CLEC18A: variants seen among roughly 807,000 people sequenced by gnomAD.
CLEC18A encodes C-type lectin domain family 18 member A.
Under a neutral mutation model 24.0 loss-of-function variants are expected in CLEC18A, and 5 were observed. The ratio of observed to expected loss-of-function variants is 0.21; its 90% CI spans 0.11 to 0.44. CLEC18A has a LOEUF of 0.44. Ranked by LOEUF, CLEC18A falls within the 20% of genes least tolerant of loss-of-function variation. CLEC18A has a pLI of 0.99. For missense variants in CLEC18A, 83 were observed against 233.4 expected (o/e 0.36, Z 4.20); for synonymous variants, 29 against 100.1 (o/e 0.29, Z 4.24).
chr16:69,964,472 A>AT (rs1251096398), downstream of CLEC18A: 3 of 120,642 alleles, frequency 2.5e-5, no homozygotes, highest in African/African-American at 7.7e-5. Flanking sequence ...GCTGTCATTT[A>AT]TTTATTTTTT....
chr16:69,948,615 C>T (rs1161983082), upstream of CLEC18A, among the ~76,000 whole-genome samples: 9 of 150,518 alleles, frequency 6.0e-5, no homozygotes, highest in African/African-American at 2.2e-4. Context: ...GGATGTAAAC[C>T]CTGTAGTAGC....
At chr16:69,955,066 T>A (rs2059015936) in intron 3 of CLEC18A, among the ~76,000 whole-genome samples, 1 of 152,140 alleles carries the variant, frequency 6.6e-6, no homozygotes, top group South Asian at 2.1e-4. Context: ...AGTGGTGTGA[T>A]CTCAGCTCAC....
At chr16:69,966,515 A>G (rs1959397302), downstream of CLEC18A, among the ~76,000 whole-genome samples, 1 of 144,210 alleles carries the variant, frequency 6.9e-6, no homozygotes, top group Admixed American at 7.1e-5. Context: ...AAGACAGCTT[A>G]CAAATGCCAT....
chr16:69,950,235 C>T (rs2058930914), upstream of CLEC18A, among the ~76,000 whole-genome samples: 2 of 126,340 alleles, frequency 1.6e-5, no homozygotes, highest in African/African-American at 5.0e-5. Flanking sequence ...AGCAGAGCTT[C>T]CACAGAGTTG....
intron 2 of CLEC18A, among the ~76,000 whole-genome samples, chr16:69,953,989 A>G (rs1376528181): frequency 1.4e-5 from 2 of 145,800 alleles, no homozygotes; most frequent in Non-Finnish European, 3.0e-5. Flanking sequence ...CTTTCTGACA[A>G]TGGCCAGGGC....
Position 69,954,526 on chromosome 16 carries a change from G to C in CLEC18A, c.409G>C (p.Ala137Pro). Residue 137 changes from alanine to proline, a missense_variant, in exon 3 of 12, where the codon GCG becomes CCG. By Grantham distance (27) the Ala-to-Pro change is conservative (BLOSUM62 -1). Coordinates refer to ENST00000288040, the MANE Select transcript of CLEC18A (RefSeq NM_001370523.4). ...WFAEGQRYSH[A>P]AGECARNATC... ...TGCAGAGGGGCAGCGGTACAGCCAC[G>C]CGGCAGGAGAGTGTGCTCGCAACGC... The C allele has an allele frequency of 6.2e-7, 1 of 1,612,744 alleles. No individual in the cohort carries two copies. The highest frequency in any genetic ancestry group is 2.2e-5 in the East Asian group (1 of 44,872).
At chr16:69,954,242 T>C in intron 2 of CLEC18A, 92 bp from the exon 3 acceptor site, 2 of 1,513,474 alleles carry the variant, frequency 1.3e-6, no homozygotes, top group Non-Finnish European at 1.8e-6. Context: ...TGGCACCCGG[T>C]GGATGCTCAG....
upstream of CLEC18A, among the ~76,000 whole-genome samples, chr16:69,948,367 GT>G (rs1470947595): frequency 2.5e-5 from 1 of 40,626 alleles, no homozygotes; most frequent in African/African-American, 2.2e-4. Context: ...CTCTCCTAGA[GT>G]TAAATGTTTT....
At chr16:69,946,216 G>T (rs2058910601), upstream of CLEC18A, among the ~76,000 whole-genome samples, 1 of 129,330 alleles carries the variant, frequency 7.7e-6, no homozygotes, top group Non-Finnish European at 1.7e-5. Flanking sequence ...GGAGGTTGCA[G>T]TAGGAAGAGA....
chr16:69,947,386 G>A (rs545540797), upstream of CLEC18A, among the ~76,000 whole-genome samples: 7 of 135,606 alleles, frequency 5.2e-5, no homozygotes, highest in Non-Finnish European at 9.6e-5. Flanking sequence ...ACAGTGACAC[G>A]GAGGTAATGG....
the CLEC18A span, among the ~76,000 whole-genome samples, chr16:69,944,920 C>T: frequency 3.8e-5 from 5 of 133,158 alleles, no homozygotes; most frequent in East Asian, 2.4e-4. Flanking sequence ...GCAGGAGGAT[C>T]GCTTGAGCCC....
downstream of CLEC18A, among the ~76,000 whole-genome samples, chr16:69,965,919 A>C: frequency 1.9e-5 from 1 of 53,044 alleles, no homozygotes. Context: ...TTTGTCATTC[A>C]CTCTACCAGG....
chr16:69,955,298 T>A (rs1218314725), intron 3 of CLEC18A, among the ~76,000 whole-genome samples: 1 of 150,654 alleles, frequency 6.6e-6, no homozygotes, highest in African/African-American at 2.4e-5. Context: ...CCACCATGCC[T>A]GGCCTAAGCC....
At chr16:69,945,633 C>A in the CLEC18A span, among the ~76,000 whole-genome samples, 1 of 152,356 alleles carries the variant, frequency 6.6e-6, no homozygotes, top group East Asian at 1.9e-4. Flanking sequence ...TGCCACCAAA[C>A]CTGGCCTCTC....
chr16:69,954,463 G>T lies in CLEC18A; in HGVS notation c.346G>T (p.Gly116Cys). 6.2e-7 allele frequency: 1 copy of T among 1,601,366 alleles called. No individual in the cohort carries two copies. Among genetic ancestry groups the T allele is most frequent in the Admixed American group, 1.7e-5 (1 of 58,890 alleles). The change falls in exon 3 of 12, where the codon GGC becomes TGC. Residue 116 changes from glycine (G) to cysteine (C), a missense_variant. Gly to Cys is a radical substitution (Grantham distance 159). This residue lies in a region of CLEC18A where 71 missense variants were observed against 107.4 expected (regional missense o/e 0.66). Coordinates refer to ENST00000288040, the MANE Select transcript of CLEC18A (RefSeq NM_001370523.4). ...CTGGAACATGCAGCTGCTACCCGCG[G>T]GCTTGGTGTCCTTTGTCGAAGTGGT... ...VGWNMQLLPA[G>C]LVSFVEVVSL...
chr16:69,963,752 G>A lies in CLEC18A; in HGVS notation c.*141G>A. 1 of 899,826 alleles carries A rather than the reference G, an allele frequency of 1.1e-6. No homozygotes were observed. The highest frequency in any genetic ancestry group is 1.6e-5 in the South Asian group (1 of 60,886). 55.7% of individuals were successfully genotyped at this position (899,826 alleles called of 1,614,324 possible). ...TCTCAGACCTTGCACAATGCCAGAA[G>A]TTGGGCAGAGAGAGGCAGGGAGGCC... On this transcript the variant is annotated 3_prime_UTR_variant, in exon 12 of 12. Transcript: ENST00000288040.
At chr16:69,945,426 T>C in the CLEC18A span, among the ~76,000 whole-genome samples, 2 of 152,284 alleles carry the variant, frequency 1.3e-5, no homozygotes, top group South Asian at 4.1e-4. Context: ...TCAGGTAGTA[T>C]ACATTCTCCA....
chr16:69,943,950 TC>T, the CLEC18A span, among the ~76,000 whole-genome samples: 2 of 134,110 alleles, frequency 1.5e-5, no homozygotes, highest in African/African-American at 4.9e-5. Flanking sequence ...CATCCAGACC[TC>T]CCCAGCCTAG....
chr16:69,966,306 C>T (rs531655242), downstream of CLEC18A, among the ~76,000 whole-genome samples: 17 of 148,214 alleles, frequency 1.1e-4, no homozygotes, highest in Admixed American at 4.8e-4. Flanking sequence ...CAGAGCAACT[C>T]CATCTTGAGT....
Sources: gnomAD v4.1 joint callset for allele counts (sites outside exome capture counted in the v4.1 genomes callset) on GRCh38, gnomAD v4.1.1 for gene constraint, gnomAD v4.1.1 regional missense constraint, MANE v1.5 for transcripts, NCBI Gene and HGNC (gene_info 2026-07-23, HGNC 2026-07-21) for gene names.